Variants in NTNG1 observed in about 807,000 individuals in gnomAD.
NTNG1 encodes the protein netrin-G1.
In NTNG1, 16 loss-of-function variants were observed where a neutral mutation model predicts 54.0. The ratio of observed to expected loss-of-function variants is 0.30; its 90% CI spans 0.20 to 0.45. The LOEUF is 0.45. Ranked by LOEUF, NTNG1 falls within the 20% of genes least tolerant of loss-of-function variation. NTNG1 has a pLI of 1.00. For missense variants in NTNG1, 530 were observed against 678.7 expected (o/e 0.78, Z 2.43); for synonymous variants, 255 against 263.1 (o/e 0.97, Z 0.30).
chr1:107,208,441 AAAAG>A lies in NTNG1; in HGVS notation c.246+59622_246+59625del, dbSNP rs533719890. The stretch of plus-strand genomic sequence containing the variant: ...GCCAAACATCATCTCAAAAAAAAAA[AAAAG>A]AAAGAAAGAAAGAAAGAAAAGAAAT... On this transcript the variant is annotated intron_variant, in intron 2 of 7. Coordinates refer to ENST00000370068, the MANE Select transcript of NTNG1 (RefSeq NM_001113226.3). Among the ~76,000 whole-genome samples the A allele has an allele frequency of 2.5e-3, 381 of 149,874 alleles. 4 individuals are homozygous for A. The highest frequency in any genetic ancestry group is 8.7e-3 in the African/African-American group (351 of 40,348).
At chr1:107,461,732 C>T (rs1677295229) in intron 7 of NTNG1, among the ~76,000 whole-genome samples, 1 of 151,900 alleles carries the variant, frequency 6.6e-6, no homozygotes, top group Non-Finnish European at 1.5e-5. Context: ...CAGGGTTTCA[C>T]CATGTTGGCC....
intron 2 of NTNG1, among the ~76,000 whole-genome samples, chr1:107,246,458 T>A (rs181598991): frequency 1.5e-4 from 23 of 151,828 alleles, no homozygotes; most frequent in African/African-American, 4.6e-4. Flanking sequence ...TAAATGCAAC[T>A]GTTTTTAAAT....
At chr1:107,469,097 C>A (rs374030527) in intron 7 of NTNG1, among the ~76,000 whole-genome samples, 331 of 115,294 alleles carry the variant, frequency 2.9e-3, no homozygotes, top group Middle Eastern at 4.5e-3. Context: ...AACTCCATTT[C>A]AAAAAAAAAA....
chr1:107,228,133 G>A (rs529735532), intron 2 of NTNG1, among the ~76,000 whole-genome samples: 9 of 152,048 alleles, frequency 5.9e-5, no homozygotes, highest in Admixed American at 1.3e-4. Flanking sequence ...TTTTTTCCTC[G>A]TTGAGATTTG....
chr1:107,271,880 T>G (rs1432470025), intron 2 of NTNG1, among the ~76,000 whole-genome samples: 1 of 152,176 alleles, frequency 6.6e-6, no homozygotes, highest in African/African-American at 2.4e-5. Flanking sequence ...AAATGCATTT[T>G]AAAAAATGAC....
chr1:107,414,016 T>C (rs900221528), intron 5 of NTNG1, among the ~76,000 whole-genome samples: 2 of 152,166 alleles, frequency 1.3e-5, no homozygotes, highest in African/African-American at 4.8e-5. Flanking sequence ...TGAAAGCTGC[T>C]CAGTAAATGC....
At chr1:107,413,774 C>G (rs1674004073) in intron 5 of NTNG1, among the ~76,000 whole-genome samples, 1 of 152,120 alleles carries the variant, frequency 6.6e-6, no homozygotes, top group Non-Finnish European at 1.5e-5. Context: ...AATGAATTCC[C>G]TAAAGCATCT....
At chr1:107,185,862 A>G (rs1657422296) in intron 2 of NTNG1, among the ~76,000 whole-genome samples, 1 of 19,192 alleles carries the variant, frequency 5.2e-5, no homozygotes, top group African/African-American at 2.1e-4. Flanking sequence ...TCTGCGACCA[A>G]CTTCTATTTT....
At chr1:107,240,549 C>T (rs1296694524) in intron 2 of NTNG1, among the ~76,000 whole-genome samples, 1 of 152,172 alleles carries the variant, frequency 6.6e-6, no homozygotes, top group East Asian at 1.9e-4. Context: ...CAGTGCCCTG[C>T]TGCAGCAGTC....
At chr1:107,181,211 G>T (rs1657034872) in intron 2 of NTNG1, among the ~76,000 whole-genome samples, 2 of 152,162 alleles carry the variant, frequency 1.3e-5, no homozygotes, top group Non-Finnish European at 2.9e-5. Flanking sequence ...GCAAGGAAAA[G>T]AATTTTGTAT....
chr1:107,317,423 C>T (rs1335673666), intron 2 of NTNG1, among the ~76,000 whole-genome samples: 1 of 152,122 alleles, frequency 6.6e-6, no homozygotes, highest in Non-Finnish European at 1.5e-5. Flanking sequence ...AATAATGTTA[C>T]CTCAGTACAC....
intron 2 of NTNG1, among the ~76,000 whole-genome samples, chr1:107,157,657 A>AT (rs1379392716): frequency 2.0e-5 from 3 of 151,860 alleles, no homozygotes; most frequent in Non-Finnish European, 2.9e-5. Flanking sequence ...ATGGCATTTC[A>AT]TTTTTTTTAA....
chr1:107,148,656 G>A lies in NTNG1; in HGVS notation c.63G>A (p.Gln21=), dbSNP rs747811617. The A allele has an allele frequency of 1.2e-6, 2 of 1,613,044 alleles. No individual in the cohort carries two copies. Among genetic ancestry groups the A allele is most frequent in the Non-Finnish European group, 1.7e-6 (2 of 1,179,088 alleles). ...ALWVTVSSVM[Q]PYPLVWGHYD... Reference sequence around the variant, plus strand: ...GGGTTACGGTGTCCTCAGTGATGCAGCCCTACCCTTTGGTTTGGGGACATT... The same window carrying A: ...GGGTTACGGTGTCCTCAGTGATGCAACCCTACCCTTTGGTTTGGGGACATT... The change falls in exon 2 of 8, where the codon CAG becomes CAA. Residue 21 remains glutamine (Q), a synonymous_variant. Transcript: ENST00000370068.
intron 7 of NTNG1, among the ~76,000 whole-genome samples, chr1:107,441,314 A>T (rs1675951505): frequency 6.6e-6 from 1 of 152,168 alleles, no homozygotes; most frequent in South Asian, 2.1e-4. Flanking sequence ...TTCCTGGAGG[A>T]TGTATGTAAG....
intron 2 of NTNG1, among the ~76,000 whole-genome samples, chr1:107,158,812 C>T (rs973460116): frequency 7.2e-5 from 11 of 151,890 alleles, no homozygotes; most frequent in African/African-American, 1.9e-4. Context: ...TGAAGCCTGC[C>T]GAGAAGTTAA....
intron 1 of NTNG1, among the ~76,000 whole-genome samples, chr1:107,145,541 C>G (rs1654040168): frequency 6.6e-6 from 1 of 152,168 alleles, no homozygotes; most frequent in South Asian, 2.1e-4. Context: ...ATATCTTTTT[C>G]TGTGTCAATG....
At chr1:107,205,315 G>T (rs933896581) in intron 2 of NTNG1, among the ~76,000 whole-genome samples, 2 of 152,048 alleles carry the variant, frequency 1.3e-5, no homozygotes, top group African/African-American at 2.4e-5. Flanking sequence ...AAATTTCAGG[G>T]TGATGGTTTG....
At chr1:107,419,624 A>T (rs1432716141) in intron 5 of NTNG1, among the ~76,000 whole-genome samples, 2 of 44,966 alleles carry the variant, frequency 4.4e-5, no homozygotes, top group African/African-American at 6.8e-5. Context: ...TTCCTTCTTC[A>T]AAAAAAAAAA....
intron 3 of NTNG1, among the ~76,000 whole-genome samples, chr1:107,344,349 GTTGTT>G (rs1557917295): frequency 1.3e-5 from 2 of 152,010 alleles, no homozygotes; most frequent in Non-Finnish European, 2.9e-5. Flanking sequence ...TTTTTTGTTT[GTTGTT>G]TTGTTTTGTT....
Sources: gnomAD v4.1 joint callset for allele counts (sites outside exome capture counted in the v4.1 genomes callset) on GRCh38, gnomAD v4.1.1 for gene constraint, MANE v1.5 for transcripts, NCBI Gene and HGNC (gene_info 2026-07-23, HGNC 2026-07-21) for gene names.